SLIT3: variants seen among roughly 807,000 people sequenced by gnomAD.
SLIT3 encodes the protein slit homolog 3 protein.
In SLIT3, 68 loss-of-function variants were observed where a neutral mutation model predicts 184.0. That is an observed-to-expected ratio of 0.37 (90% CI 0.30 to 0.45). The LOEUF (loss-of-function observed/expected upper bound fraction) is 0.45. Among genes scored for constraint, SLIT3 ranks in the 20% least tolerant of loss-of-function variants. SLIT3 has a pLI of 1.00. For synonymous variants in SLIT3, 831 were observed against 828.6 expected, an observed-to-expected ratio of 1.00 and a Z score of -0.05; for missense variants, 1,707 against 2,026.0, an observed-to-expected ratio of 0.84 and a Z score of 3.02.
At chr5:168,686,956 C>T in intron 30 of SLIT3, 23 bp downstream of exon 30, 2 of 1,608,530 alleles carry the variant, frequency 1.2e-6, no homozygotes, top group Non-Finnish European at 1.7e-6. Context: ...CTGTCTCCTT[C>T]CTGAGGTGCC....
chr5:168,706,044 C>G (rs556516941), intron 26 of SLIT3, among the ~76,000 whole-genome samples: 3 of 152,180 alleles, frequency 2.0e-5, no homozygotes, highest in African/African-American at 4.8e-5. Context: ...AGTCACAGTT[C>G]TAGGAGAATG....
intron 3 of SLIT3, among the ~76,000 whole-genome samples, chr5:169,217,362 C>T (rs990912082): frequency 3.3e-5 from 5 of 152,140 alleles, no homozygotes; most frequent in African/African-American, 1.2e-4. Flanking sequence ...AAATATAGAG[C>T]AAATTATGCC....
At position 168,905,838 on chromosome 5, in the gene SLIT3, G is replaced by A. The variant is rs115123622; in HGVS notation, c.414-22502C>T. Among the ~76,000 whole-genome samples the A allele has an allele frequency of 5.8e-3, 880 of 152,292 alleles. 8 individuals carry two copies. The highest frequency in any genetic ancestry group is 0.02 in the African/African-American group (844 of 41,558). ...GAAAGAAGGAAATATTTAGGCACAC[G>A]TGGGCACAGAGATGATGTCTAGACT... is the stretch of plus-strand genomic sequence containing the variant. On this transcript the variant is annotated intron_variant, in intron 4 of 35. Coordinates refer to ENST00000519560, the MANE Select transcript of SLIT3 (RefSeq NM_003062.4).
intron 4 of SLIT3, among the ~76,000 whole-genome samples, chr5:169,052,877 C>T (rs1757864368): frequency 6.6e-6 from 1 of 152,174 alleles, no homozygotes; most frequent in Non-Finnish European, 1.5e-5. Flanking sequence ...ACCCACCCTC[C>T]CTCACCCCAC....
At chr5:169,260,671 C>A (rs1341939805) in intron 1 of SLIT3, among the ~76,000 whole-genome samples, 3 of 152,172 alleles carry the variant, frequency 2.0e-5, no homozygotes, top group African/African-American at 7.2e-5. Context: ...TAAATCAACT[C>A]TCCTGGAATA....
intron 3 of SLIT3, among the ~76,000 whole-genome samples, chr5:169,194,324 G>A (rs1015238408): frequency 2.0e-5 from 3 of 151,114 alleles, no homozygotes; most frequent in Non-Finnish European, 2.9e-5. Context: ...AACAGTGATT[G>A]TGGGAGCAGA....
At chr5:168,690,106 C>T (rs1012144230) in intron 29 of SLIT3, among the ~76,000 whole-genome samples, 5 of 151,922 alleles carry the variant, frequency 3.3e-5, no homozygotes, top group Non-Finnish European at 5.9e-5. Context: ...CAACCCCACA[C>T]CTGCACCCTT....
intron 5 of SLIT3, 50 bp from the exon 6 acceptor site, chr5:168,844,705 G>A (rs765646327): frequency 6.3e-7 from 1 of 1,583,142 alleles, no homozygotes; most frequent in Non-Finnish European, 8.7e-7. Context: ...GCAGCGTGAG[G>A]GGCCGGCGGC....
At chr5:169,152,116 C>T (rs1762135098) in intron 4 of SLIT3, among the ~76,000 whole-genome samples, 1 of 152,082 alleles carries the variant, frequency 6.6e-6, no homozygotes, top group Non-Finnish European at 1.5e-5. Flanking sequence ...AACACTGGAC[C>T]CAGAGAGGTC....
intron 3 of SLIT3, among the ~76,000 whole-genome samples, chr5:169,198,950 C>CAAACTA (rs397737998): frequency 3.5e-5 from 3 of 84,508 alleles, no homozygotes; most frequent in Non-Finnish European, 7.3e-5. Context: ...AACAAACAAA[C>CAAACTA]TATACACACA....
chr5:168,996,049 T>G (rs79397188), intron 4 of SLIT3, among the ~76,000 whole-genome samples: 188 of 152,218 alleles, frequency 1.2e-3, no homozygotes, highest in African/African-American at 4.4e-3. Context: ...ATCAATGATA[T>G]CCACCATAGC....
chr5:168,746,917 TG>T (rs1391691759), intron 20 of SLIT3, among the ~76,000 whole-genome samples: 1 of 98,316 alleles, frequency 1.0e-5, no homozygotes, highest in African/African-American at 4.1e-5. Flanking sequence ...TGTGGTGGTG[TG>T]GGTGTGGTGG....
At chr5:169,068,090 G>A (rs1166764182) in intron 4 of SLIT3, among the ~76,000 whole-genome samples, 1 of 152,126 alleles carries the variant, frequency 6.6e-6, no homozygotes, top group Non-Finnish European at 1.5e-5. Flanking sequence ...ATATAAACTA[G>A]TGAACTGTGC....
rs74749712 is a variant in SLIT3 at position 169,114,724 on chromosome 5, G to T, written c.413+78755C>A. ...GGCCACCTCTGTCCTCCTCCTTGGT[G>T]TTCTTTCCTCTTAGGGCTGGAGGCC... is the stretch of plus-strand genomic sequence containing the variant. On this transcript the variant is annotated intron_variant, in intron 4 of 35. Transcript: ENST00000519560. 5.5e-3 allele frequency among the ~76,000 whole-genome samples: 840 copies of T among 152,340 alleles called. 13 individuals are homozygous for T. The highest frequency in any genetic ancestry group is 0.02 in the African/African-American group (814 of 41,566).
intron 19 of SLIT3, 114 bp from the exon 20 acceptor site, chr5:168,748,548 TGTTCTA>T: frequency 6.4e-6 from 7 of 1,088,184 alleles, no homozygotes; most frequent in Non-Finnish European, 8.7e-6. Flanking sequence ...GTCCCCGCTG[TGTTCTA>T]GAACCAGGAA....
In SLIT3 at chr5:169,100,227, C is replaced by T. The variant is rs145307089; in HGVS notation, c.413+93252G>A. ...TAGGAAGAATGGTGAACATGGAATC[C>T]CCTTGGGCCCAAGAAAACAGTGGTA... On this transcript the variant is annotated intron_variant, in intron 4 of 35. Coordinates refer to ENST00000519560, the MANE Select transcript of SLIT3 (RefSeq NM_003062.4). Among the ~76,000 whole-genome samples, 246 of 152,200 alleles carry T rather than the reference C, an allele frequency of 1.6e-3. 1 individual carries two copies. The highest frequency in any genetic ancestry group is 5.6e-3 in the African/African-American group (233 of 41,526).
chr5:169,253,733 C>T (rs928444267), intron 1 of SLIT3, among the ~76,000 whole-genome samples: 1 of 152,200 alleles, frequency 6.6e-6, no homozygotes, highest in Non-Finnish European at 1.5e-5. Context: ...CCAGCAGAAG[C>T]TGACAGCCCC....
At chr5:169,062,680 T>C (rs1298754857) in intron 4 of SLIT3, among the ~76,000 whole-genome samples, 2 of 152,360 alleles carry the variant, frequency 1.3e-5, no homozygotes, top group East Asian at 3.9e-4. Flanking sequence ...GTTTGGTTTG[T>C]ATGGTCTCTC....
intron 4 of SLIT3, among the ~76,000 whole-genome samples, chr5:169,055,425 G>A (rs1354983688): frequency 2.0e-5 from 3 of 152,200 alleles, no homozygotes; most frequent in South Asian, 2.1e-4. Context: ...AGTTGAAAGC[G>A]GGACACTCAG....
Sources: allele counts gnomAD v4.1 joint callset (sites outside exome capture counted in the v4.1 genomes callset), GRCh38; gene constraint gnomAD v4.1.1; transcripts MANE v1.5; gene names NCBI Gene and HGNC (gene_info 2026-07-23, HGNC 2026-07-21).